The following LIPJ variants were observed in gnomAD, a reference collection of about 807,000 sequenced individuals.
LIPJ encodes lipase member J.
In LIPJ, 33 loss-of-function variants were observed where a neutral mutation model predicts 39.8. The ratio of observed to expected loss-of-function variants is 0.83; its 90% CI spans 0.63 to 1.11. The LOEUF is 1.11. Ranked by LOEUF, LIPJ falls within the 50% of genes least tolerant of loss-of-function variation. LIPJ has a pLI of 0.00. For synonymous variants in LIPJ, 128 were observed against 139.2 expected, an observed-to-expected ratio of 0.92 and a Z score of 0.57; for missense variants, 422 against 427.9, an observed-to-expected ratio of 0.99 and a Z score of 0.12.
the LIPJ span, among the ~76,000 whole-genome samples, chr10:88,619,925 C>T: frequency 1.3e-5 from 2 of 151,894 alleles, no homozygotes; most frequent in African/African-American, 2.4e-5. Flanking sequence ...AAATTAAAAA[C>T]TTCTGCATTT....
rs150749785 is a variant in LIPJ, at chr10:88,597,207, A to G, written c.723+271A>G. 4.5e-3 allele frequency among the ~76,000 whole-genome samples: 681 copies of G among 151,718 alleles called. 2 individuals carry two copies. Among genetic ancestry groups the G allele is most frequent in the Admixed American group, 9.8e-3 (149 of 15,200 alleles). On this transcript the variant is annotated intron_variant, in intron 8 of 10. Coordinates refer to ENST00000371939, the Ensembl canonical transcript of LIPJ. ...ATGGGTATCTTTATTGACCTTTGCT[A>G]TTGGGTATTAGTTTCCTGAGACTTC...
chr10:88,583,680 G>C, upstream of LIPJ: 1 of 988,076 alleles, frequency 1.0e-6, no homozygotes. Context: ...TGCTTGAACG[G>C]CCACTATTAG....
rs769190675 is a variant in LIPJ, at chr10:88,591,385, T to C, written c.17T>C (p.Ile6Thr). 8 of 1,596,252 alleles carry C rather than the reference T, an allele frequency of 5.0e-6. No individual in the cohort carries two copies. The East Asian group carries it at 6.8e-5, about 14-fold the overall frequency. Residue 6 changes from isoleucine (I) to threonine (T), a missense_variant, in exon 4 of 11, where the codon ATT becomes ACT. Coordinates refer to ENST00000371939, the Ensembl canonical transcript of LIPJ. Reference sequence around the variant, plus strand: ...TGCTTTTTCTTTATCTAGAGCCAGATTATTTCCTACTGGGGCTACCCTGAT... The same window carrying C: ...TGCTTTTTCTTTATCTAGAGCCAGACTATTTCCTACTGGGGCTACCCTGAT...
At position 88,591,430 on chromosome 10, in the gene LIPJ, C is replaced by T; in HGVS notation, c.62C>T (p.Thr21Ile). 1 of 1,602,150 alleles carries T rather than the reference C, an allele frequency of 6.2e-7. No homozygotes were observed. Among genetic ancestry groups the T allele is most frequent in the Middle Eastern group, 1.7e-4 (1 of 6,014 alleles). ...CCTGATGAAGAATATGATATTGTAA[C>T]CGAAGATGGTTATATCCTTGGCCTT... Residue 21 changes from threonine (T) to isoleucine (I), a missense_variant, in exon 4 of 11, where the codon ACC becomes ATC. Coordinates refer to ENST00000371939, the Ensembl canonical transcript of LIPJ.
chr10:88,594,157 T>G lies in LIPJ; in HGVS notation c.329+13T>G. On this transcript the variant is annotated intron_variant, in intron 5 of 10. Coordinates refer to ENST00000371939, the Ensembl canonical transcript of LIPJ. ...TCTGGGCTTTCAGGTACAAATAAAA[T>G]GAAGTAACATTTCATTTTATAAGTG... 2 of 1,588,106 alleles carry G rather than the reference T, an allele frequency of 1.3e-6. No individual in the cohort carries two copies. Among genetic ancestry groups the G allele is most frequent in the South Asian group, 2.3e-5 (2 of 88,296 alleles).
chr10:88,603,735 CA>C (rs1308204295), intron 9 of LIPJ, among the ~76,000 whole-genome samples: 2 of 152,090 alleles, frequency 1.3e-5, no homozygotes, highest in Non-Finnish European at 2.9e-5. Flanking sequence ...AGTTAATAAA[CA>C]CTAGGTAACT....
exon 4 of LIPJ, chr10:88,591,438 G>C: frequency 1.9e-6 from 3 of 1,600,892 alleles, no homozygotes; most frequent in Non-Finnish European, 1.7e-6. Context: ...AACCGAAGAT[G>C]GTTATATCCT....
chr10:88,620,707 T>C, the LIPJ span, among the ~76,000 whole-genome samples: 1 of 152,192 alleles, frequency 6.6e-6, no homozygotes, highest in Non-Finnish European at 1.5e-5. Context: ...GATGACCAAA[T>C]AGTACAAGTT....
chr10:88,591,423 A>G (rs1851076568), exon 4 of LIPJ: 11 of 1,603,394 alleles, frequency 6.9e-6, no homozygotes, highest in Non-Finnish European at 9.4e-6. Context: ...AGAATATGAT[A>G]TTGTAACCGA....
At chr10:88,589,345 G>C (rs897590322) in intron 2 of LIPJ, among the ~76,000 whole-genome samples, 1 of 151,786 alleles carries the variant, frequency 6.6e-6, no homozygotes, top group Non-Finnish European at 1.5e-5. Context: ...CAACCAAAGA[G>C]GAATATCTAA....
chr10:88,602,597 T>C, exon 9 of LIPJ: 1 of 1,590,546 alleles, frequency 6.3e-7, no homozygotes, highest in Non-Finnish European at 8.6e-7. Context: ...TGTGTATTTT[T>C]CACACAACCC....
intron 4 of LIPJ, chr10:88,592,355 A>T (rs1266893506): frequency 6.6e-6 from 1 of 151,918 alleles, no homozygotes; most frequent in African/African-American, 2.4e-5. Flanking sequence ...CAAGTACTGT[A>T]TTAAAGATTT....
intron 10 of LIPJ, among the ~76,000 whole-genome samples, 172 bp from the exon 11 acceptor site, chr10:88,606,502 A>G (rs569402952): frequency 4.6e-5 from 7 of 152,290 alleles, no homozygotes; most frequent in South Asian, 2.1e-4. Context: ...TAAAACTTGT[A>G]ATCCCTATTC....
the LIPJ span, among the ~76,000 whole-genome samples, chr10:88,616,642 G>C: frequency 6.6e-6 from 1 of 152,216 alleles, no homozygotes; most frequent in Non-Finnish European, 1.5e-5. Context: ...CACCAATAAA[G>C]ACCAGGCCTG....
chr10:88,620,919 T>C, the LIPJ span, among the ~76,000 whole-genome samples: 1 of 152,174 alleles, frequency 6.6e-6, no homozygotes. Flanking sequence ...CTTCATGGTT[T>C]CCTCTTGGGC....
chr10:88,603,801 C>G (rs550559080), intron 9 of LIPJ, among the ~76,000 whole-genome samples: 24 of 152,192 alleles, frequency 1.6e-4, no homozygotes, highest in African/African-American at 5.5e-4. Context: ...AAGTTTAAAT[C>G]TATAATGTAA....
chr10:88,613,768 GTGTA>G, the LIPJ span, among the ~76,000 whole-genome samples: 6 of 37,794 alleles, frequency 1.6e-4, no homozygotes, highest in African/African-American at 5.8e-4. Context: ...ATATGTGTGT[GTGTA>G]TATATATATA....
upstream of LIPJ, among the ~76,000 whole-genome samples, chr10:88,586,103 C>T (rs531750936): frequency 3.9e-5 from 6 of 152,206 alleles, no homozygotes; most frequent in African/African-American, 9.6e-5. Context: ...GTTGTGAATC[C>T]GCATTTATCT....
the LIPJ span, among the ~76,000 whole-genome samples, chr10:88,615,375 A>T: frequency 6.6e-6 from 1 of 152,084 alleles, no homozygotes; most frequent in African/African-American, 2.4e-5. Flanking sequence ...ACCCTAACAG[A>T]CCCCTGTCTC....
Sources: allele counts gnomAD v4.1 joint callset (sites outside exome capture counted in the v4.1 genomes callset), GRCh38; gene constraint gnomAD v4.1.1; transcripts MANE v1.5; gene names NCBI Gene and HGNC (gene_info 2026-07-23, HGNC 2026-07-21).